MDGA2: variants seen among roughly 807,000 people sequenced by gnomAD.
MDGA2 encodes MAM domain containing glycosylphosphatidylinositol anchor 2.
A neutral mutation model predicts 117.8 loss-of-function variants in MDGA2; 40 were observed. That is an observed-to-expected ratio of 0.34 (90% CI 0.26 to 0.44). MDGA2 has a LOEUF of 0.44. MDGA2 is among the 20% of genes least tolerant of loss of function. The pLI, the probability that MDGA2 is intolerant of heterozygous loss-of-function variation, is 1.00. For synonymous variants in MDGA2, 452 were observed against 439.0 expected, an observed-to-expected ratio of 1.03 and a Z score of -0.37; for missense variants, 1,123 against 1,250.6, an observed-to-expected ratio of 0.90 and a Z score of 1.54.
intron 8 of MDGA2, among the ~76,000 whole-genome samples, chr14:46,984,767 C>G (rs897348869): frequency 3.4e-4 from 52 of 152,034 alleles, no homozygotes; most frequent in African/African-American, 1.2e-3. Flanking sequence ...CTTCCACGTT[C>G]TAATTTTCTG....
At chr14:47,305,604 C>A (rs1889417010) in intron 1 of MDGA2, among the ~76,000 whole-genome samples, 1 of 152,116 alleles carries the variant, frequency 6.6e-6, no homozygotes, top group Non-Finnish European at 1.5e-5. Context: ...ATGGCAACAA[C>A]CAGGGGCATT....
At chr14:47,441,710 T>C (rs1893015273) in intron 1 of MDGA2, among the ~76,000 whole-genome samples, 1 of 152,140 alleles carries the variant, frequency 6.6e-6, no homozygotes, top group Non-Finnish European at 1.5e-5. Flanking sequence ...AGTATCACAA[T>C]ATATACTTGG....
At chr14:47,105,031 C>A (rs1765311991) in intron 5 of MDGA2, among the ~76,000 whole-genome samples, 1 of 152,138 alleles carries the variant, frequency 6.6e-6, no homozygotes, top group African/African-American at 2.4e-5. Context: ...AGGCAGCCTT[C>A]CCTTGGTGTT....
chr14:47,523,455 G>T (rs1463073793), intron 1 of MDGA2, among the ~76,000 whole-genome samples: 1 of 152,064 alleles, frequency 6.6e-6, no homozygotes, highest in Non-Finnish European at 1.5e-5. Flanking sequence ...GTGTTAGTAT[G>T]CTTTTAGCAA....
chr14:47,509,560 C>A (rs957086009), intron 1 of MDGA2, among the ~76,000 whole-genome samples: 1 of 152,170 alleles, frequency 6.6e-6, no homozygotes, highest in Non-Finnish European at 1.5e-5. Context: ...CCCAGAATAG[C>A]TGTGGGACCT....
At chr14:47,284,825 T>A (rs1888618072) in intron 2 of MDGA2, among the ~76,000 whole-genome samples, 1 of 152,164 alleles carries the variant, frequency 6.6e-6, no homozygotes, top group Admixed American at 6.6e-5. Flanking sequence ...ACCCAGATGA[T>A]ATATCTTTGA....
intron 1 of MDGA2, among the ~76,000 whole-genome samples, chr14:47,600,827 T>A (rs1489854466): frequency 6.6e-6 from 1 of 152,076 alleles, no homozygotes; most frequent in Non-Finnish European, 1.5e-5. Flanking sequence ...TCAGAAGTCA[T>A]CTCCAAGTAA....
intron 8 of MDGA2, among the ~76,000 whole-genome samples, chr14:47,015,338 G>T (rs560107409): frequency 6.6e-6 from 1 of 150,430 alleles, no homozygotes; most frequent in African/African-American, 2.4e-5. Context: ...AAAAAAAATG[G>T]CACCATAGAC....
At chr14:47,120,264 C>G (rs1881580655) in intron 5 of MDGA2, among the ~76,000 whole-genome samples, 1 of 152,058 alleles carries the variant, frequency 6.6e-6, no homozygotes, top group Non-Finnish European at 1.5e-5. Flanking sequence ...GCTTGTGAAA[C>G]CAAGGCAATA....
Position 47,242,057 on chromosome 14 carries a change from C to G in MDGA2, c.421-23862G>C, listed in dbSNP as rs547793220. Among the ~76,000 whole-genome samples the G allele has an allele frequency of 9.2e-5, 14 of 151,882 alleles. No homozygotes were observed. The East Asian group carries it at 2.1e-3, about 23-fold the overall frequency. On this transcript the variant is annotated intron_variant, in intron 2 of 16. Transcript: ENST00000399232. The stretch of plus-strand genomic sequence containing the variant: ...ATTTTCCTTAGTATCTTTTCTGCTT[C>G]CCTGGCACTTAATAAAACCTACTAA...
In MDGA2 at chr14:47,052,545, A is replaced by T. The variant is rs548721966; in HGVS notation, c.1525+8704T>A. ...TTATGTGAAAAATTCTAATAGAAAA[A>T]CATGTTTAATGTTTACTGAACAATT... On this transcript the variant is annotated intron_variant, in intron 7 of 16. Transcript: ENST00000399232. Among the ~76,000 whole-genome samples, 112 of 151,982 alleles carry T rather than the reference A, an allele frequency of 7.4e-4. 1 individual carries two copies. Among genetic ancestry groups the T allele is most frequent in the African/African-American group, 2.4e-3 (101 of 41,520 alleles).
intron 2 of MDGA2, among the ~76,000 whole-genome samples, chr14:47,242,432 G>A (rs1342817752): frequency 6.6e-6 from 1 of 152,004 alleles, no homozygotes; most frequent in Non-Finnish European, 1.5e-5. Context: ...AGCTTTCAGG[G>A]AGGTGTGGAG....
At chr14:46,939,163 A>G (rs138870836) in intron 9 of MDGA2, among the ~76,000 whole-genome samples, 72 of 152,238 alleles carry the variant, frequency 4.7e-4, no homozygotes, top group African/African-American at 1.5e-3. Flanking sequence ...AGAATACAAA[A>G]TTACAGATAG....
intron 1 of MDGA2, among the ~76,000 whole-genome samples, chr14:47,629,818 G>T (rs879530768): frequency 3.9e-5 from 6 of 152,018 alleles, no homozygotes; most frequent in Non-Finnish European, 8.8e-5. Context: ...AGAAGAAAAG[G>T]CTTCCCTTGA....
chr14:47,211,591 T>C (rs901884219), intron 3 of MDGA2, among the ~76,000 whole-genome samples: 6 of 152,142 alleles, frequency 3.9e-5, no homozygotes, highest in African/African-American at 1.2e-4. Context: ...GTAGATATTA[T>C]CTTTACTATC....
At chr14:47,454,013 T>A (rs896150490) in intron 1 of MDGA2, among the ~76,000 whole-genome samples, 3 of 152,242 alleles carry the variant, frequency 2.0e-5, no homozygotes, top group Non-Finnish European at 4.4e-5. Context: ...AGATGTTAAA[T>A]GTCATGCTAA....
chr14:47,457,823 T>C (rs963117546), intron 1 of MDGA2, among the ~76,000 whole-genome samples: 1 of 151,362 alleles, frequency 6.6e-6, no homozygotes, highest in Non-Finnish European at 1.5e-5. Context: ...TTTTTTTTTT[T>C]TGTTTGTTTA....
chr14:47,391,973 T>G (rs1353658801), intron 1 of MDGA2, among the ~76,000 whole-genome samples: 1 of 152,204 alleles, frequency 6.6e-6, no homozygotes, highest in African/African-American at 2.4e-5. Context: ...AGGAGACGAC[T>G]TTTGGCATGC....
chr14:47,042,312 GT>G (rs748830079), intron 7 of MDGA2, among the ~76,000 whole-genome samples: 10,604 of 129,812 alleles, frequency 0.082, 529 homozygotes, highest in South Asian at 0.15. Context: ...CCAAATCTAT[GT>G]TTTTTTTTTT....
Sources: allele counts gnomAD v4.1 joint callset (sites outside exome capture counted in the v4.1 genomes callset), GRCh38; gene constraint gnomAD v4.1.1; transcripts MANE v1.5; gene names NCBI Gene and HGNC (gene_info 2026-07-23, HGNC 2026-07-21).